Variants in NELL2 observed in about 807,000 individuals in gnomAD.
NELL2 encodes the protein neural EGFL like 2, also known as protein kinase C-binding protein NELL2.
A neutral mutation model predicts 109.6 loss-of-function variants in NELL2; 41 were observed. The ratio of observed to expected loss-of-function variants is 0.37; its 90% CI spans 0.29 to 0.49. The LOEUF (loss-of-function observed/expected upper bound fraction) is 0.49. NELL2 is among the 20% of genes least tolerant of loss of function. The pLI is 0.98. For missense variants in NELL2, 900 were observed against 1,008.3 expected (o/e 0.89, Z 1.45); for synonymous variants, 355 against 344.7 (o/e 1.03, Z -0.33).
At chr12:44,553,326 G>A (rs1943117768) in intron 15 of NELL2, among the ~76,000 whole-genome samples, 1 of 151,172 alleles carries the variant, frequency 6.6e-6, no homozygotes, top group African/African-American at 2.4e-5. Flanking sequence ...TATCTCCCAG[G>A]TTGATTCATG....
At chr12:44,621,343 G>A (rs1946051547) in intron 13 of NELL2, among the ~76,000 whole-genome samples, 1 of 152,104 alleles carries the variant, frequency 6.6e-6, no homozygotes, top group South Asian at 2.1e-4. Flanking sequence ...AATGTGAAGT[G>A]GTTAGGTGAA....
chr12:44,530,021 A>G (rs1437624615), intron 16 of NELL2, among the ~76,000 whole-genome samples: 1 of 152,298 alleles, frequency 6.6e-6, no homozygotes, highest in Non-Finnish European at 1.5e-5. Context: ...AGACTTAACT[A>G]TATGGAAGAG....
chr12:44,876,397 G>T, upstream of NELL2: 1 of 1,269,264 alleles, frequency 7.9e-7, no homozygotes, highest in Non-Finnish European at 1.0e-6. Flanking sequence ...GTAAGGAGGA[G>T]GGAGGGGCCG....
chr12:44,540,336 T>A (rs1406741475), intron 15 of NELL2, among the ~76,000 whole-genome samples: 8 of 152,162 alleles, frequency 5.3e-5, no homozygotes, highest in African/African-American at 1.7e-4. Context: ...GAAAATAGAA[T>A]ACAGGTGAAG....
intron 3 of NELL2, among the ~76,000 whole-genome samples, chr12:44,786,261 C>A (rs1215205977): frequency 6.6e-6 from 1 of 152,030 alleles, no homozygotes; most frequent in Non-Finnish European, 1.5e-5. Context: ...ATGCAGCCAA[C>A]AAACACATGA....
At chr12:44,754,889 T>C (rs2136535008) in intron 9 of NELL2, among the ~76,000 whole-genome samples, 1 of 152,310 alleles carries the variant, frequency 6.6e-6, no homozygotes, top group South Asian at 2.1e-4. Context: ...CCATTAAGAT[T>C]TACTATCGAC....
At position 44,658,923 on chromosome 12, in the gene NELL2, A is replaced by T. The variant is rs531396876; in HGVS notation, c.1444+6561T>A. On this transcript the variant is annotated intron_variant, in intron 13 of 19. Transcript: ENST00000429094. ...AAGAAAAGAAAAAGAACAAAGTTGG[A>T]GGCATCACACTACCTGATTTCAAAC... is the stretch of plus-strand genomic sequence containing the variant. Among the ~76,000 whole-genome samples the T allele has an allele frequency of 6.0e-5, 9 of 150,686 alleles. No homozygotes were observed. The East Asian group carries it at 1.8e-3, about 30-fold the overall frequency.
rs576437755 is a variant in NELL2, at chr12:44,895,748, C to A, written c.38+18051G>T. Among the ~76,000 whole-genome samples the A allele has an allele frequency of 2.0e-5, 3 of 152,120 alleles. No individual in the cohort carries two copies. The East Asian group carries it at 5.8e-4, about 29-fold the overall frequency. ...ACCCCCTAACTTTAATTAGATATTA[C>A]CACTACCACCACCCCAGGGCACATT... On this transcript the variant is annotated intron_variant, in intron 1 of 20. Coordinates refer to the NELL2 transcript ENST00000333837.
chr12:44,538,832 A>T (rs184545046), intron 15 of NELL2, among the ~76,000 whole-genome samples: 24 of 152,288 alleles, frequency 1.6e-4, no homozygotes, highest in Admixed American at 1.2e-3. Flanking sequence ...TGTCTGGGAG[A>T]TATACCAGAA....
intron 9 of NELL2, among the ~76,000 whole-genome samples, chr12:44,770,581 A>G (rs1941508059): frequency 6.6e-6 from 1 of 152,234 alleles, no homozygotes; most frequent in African/African-American, 2.4e-5. Context: ...CACATAGAAT[A>G]TTAAAGTGTA....
intron 15 of NELL2, among the ~76,000 whole-genome samples, chr12:44,560,667 C>G (rs1287680724): frequency 1.3e-5 from 2 of 152,154 alleles, no homozygotes; most frequent in Non-Finnish European, 2.9e-5. Flanking sequence ...ATAACAAGGT[C>G]TGAAATTGAC....
chr12:44,663,456 T>C (rs1210101465), intron 13 of NELL2, among the ~76,000 whole-genome samples: 2 of 152,174 alleles, frequency 1.3e-5, no homozygotes, highest in Non-Finnish European at 2.9e-5. Flanking sequence ...ATTAAAGAAA[T>C]ACATTTTATC....
intron 9 of NELL2, among the ~76,000 whole-genome samples, chr12:44,770,120 C>T (rs560935582): frequency 1.3e-5 from 2 of 152,170 alleles, no homozygotes; most frequent in South Asian, 4.1e-4. Context: ...GAAACCATAC[C>T]TCCCAAAAGC....
At chr12:44,758,001 A>T (rs1017049424) in intron 9 of NELL2, among the ~76,000 whole-genome samples, 1 of 151,828 alleles carries the variant, frequency 6.6e-6, no homozygotes, top group East Asian at 1.9e-4. Context: ...GGTAGAACAT[A>T]TTTTGTTTCA....
At chr12:44,606,171 GC>G (rs1328411931) in intron 15 of NELL2, among the ~76,000 whole-genome samples, 1 of 152,126 alleles carries the variant, frequency 6.6e-6, no homozygotes, top group African/African-American at 2.4e-5. Context: ...AGTGATGTAA[GC>G]CCTTTTGTGA....
At chr12:44,601,351 A>G (rs1160361222) in intron 15 of NELL2, among the ~76,000 whole-genome samples, 1 of 152,156 alleles carries the variant, frequency 6.6e-6, no homozygotes, top group Non-Finnish European at 1.5e-5. Context: ...AACACTAAGA[A>G]CTTTTGACTA....
intron 15 of NELL2, among the ~76,000 whole-genome samples, chr12:44,548,621 G>A (rs7303239): frequency 0.11 from 15,929 of 151,136 alleles, 2,816 homozygotes; most frequent in African/African-American, 0.36. Context: ...CTAAGCTACC[G>A]TTTTTTTTGG....
intron 13 of NELL2, among the ~76,000 whole-genome samples, chr12:44,623,177 A>G (rs10880659): frequency 0.58 from 88,784 of 151,944 alleles, 26,540 homozygotes; most frequent in East Asian, 0.73. Flanking sequence ...ATCTATGGAT[A>G]TTATTCCCTC....
intron 3 of NELL2, 73 bp from the exon 4 acceptor site, chr12:44,780,095 G>A (rs948123017): frequency 5.1e-5 from 77 of 1,505,294 alleles, no homozygotes; most frequent in Non-Finnish European, 6.7e-5. Flanking sequence ...CTCTGTCTAC[G>A]GGATGGAATA....
Sources: gnomAD v4.1 joint callset for allele counts (sites outside exome capture counted in the v4.1 genomes callset) on GRCh38, gnomAD v4.1.1 for gene constraint, MANE v1.5 for transcripts, NCBI Gene and HGNC (gene_info 2026-07-23, HGNC 2026-07-21) for gene names.